The following CSMD3 variants were observed in gnomAD, a reference collection of about 807,000 sequenced individuals.
The protein encoded by CSMD3 is CUB and sushi domain-containing protein 3.
In CSMD3, 177 loss-of-function variants were observed where a neutral mutation model predicts 435.2. The observed-to-expected ratio is 0.41, with a 90% CI of 0.36 to 0.46. The LOEUF is 0.46. Among genes scored for constraint, CSMD3 ranks in the 20% least tolerant of loss-of-function variants. CSMD3 has a pLI of 0.34. For missense variants in CSMD3, 4,265 were observed against 4,504.6 expected, an observed-to-expected ratio of 0.95 and a Z score of 1.52; for synonymous variants, 1,656 against 1,520.5, an observed-to-expected ratio of 1.09 and a Z score of -2.07.
chr8:113,371,413 T>C (rs1453559586), intron 1 of CSMD3, among the ~76,000 whole-genome samples: 1 of 152,142 alleles, frequency 6.6e-6, no homozygotes, highest in East Asian at 1.9e-4. Flanking sequence ...GCAGTACCTG[T>C]ACATATGGCA....
intron 32 of CSMD3, among the ~76,000 whole-genome samples, chr8:112,420,554 A>C (rs916248520): frequency 6.6e-6 from 1 of 152,140 alleles, no homozygotes; most frequent in African/African-American, 2.4e-5. Flanking sequence ...TGTGTTGCTA[A>C]TGTTACTTTT....
chr8:113,361,340 T>C (rs779134661), intron 1 of CSMD3, among the ~76,000 whole-genome samples: 26 of 152,190 alleles, frequency 1.7e-4, no homozygotes, highest in South Asian at 6.2e-4. Context: ...TTTGAACCAG[T>C]TGCACTCTTG....
intron 32 of CSMD3, among the ~76,000 whole-genome samples, chr8:112,441,226 T>C (rs1348351158): frequency 6.6e-6 from 1 of 152,120 alleles, no homozygotes; most frequent in Non-Finnish European, 1.5e-5. Flanking sequence ...TGATAAAGCA[T>C]AGCAAGAGTC....
chr8:113,388,839 G>A (rs2094449951), intron 1 of CSMD3, among the ~76,000 whole-genome samples: 1 of 151,432 alleles, frequency 6.6e-6, no homozygotes, highest in Non-Finnish European at 1.5e-5. Context: ...ACAGATATTA[G>A]CTACTGAGTC....
At chr8:112,278,567 G>A (rs1818312774) in intron 59 of CSMD3, among the ~76,000 whole-genome samples, 1 of 152,156 alleles carries the variant, frequency 6.6e-6, no homozygotes, top group Non-Finnish European at 1.5e-5. Context: ...TATTGGTTAT[G>A]TGTCTCAAGC....
intron 26 of CSMD3, among the ~76,000 whole-genome samples, chr8:112,551,824 A>G (rs909864050): frequency 9.2e-5 from 14 of 152,056 alleles, no homozygotes; most frequent in East Asian, 7.7e-4. Flanking sequence ...TTATATTACT[A>G]CTTTATATAA....
intron 1 of CSMD3, among the ~76,000 whole-genome samples, chr8:113,430,320 T>G (rs1347000554): frequency 6.6e-6 from 1 of 152,186 alleles, no homozygotes. Flanking sequence ...AGCACTGGGC[T>G]AGGTACGTAA....
chr8:112,838,251 A>T lies in CSMD3; in HGVS notation c.1756-8462T>A, dbSNP rs191934759. 7.2e-5 allele frequency among the ~76,000 whole-genome samples: 11 copies of T among 151,930 alleles called. No homozygotes were observed. The Admixed American group carries it at 7.2e-4, about 10-fold the overall frequency. ...GAAAAAAATATTATTTTTGTTTCTG[A>T]AACATAAACTGTGAGGCAAAAAGTG... On this transcript the variant is annotated intron_variant, in intron 11 of 70. Coordinates refer to ENST00000297405, the MANE Select transcript of CSMD3 (RefSeq NM_198123.2).
intron 13 of CSMD3, among the ~76,000 whole-genome samples, chr8:112,735,988 T>C (rs913030253): frequency 6.6e-6 from 1 of 151,960 alleles, no homozygotes. Flanking sequence ...GAAATCATAT[T>C]TCAATTTTCA....
At chr8:112,473,676 A>G (rs1047748029) in intron 31 of CSMD3, among the ~76,000 whole-genome samples, 4 of 150,996 alleles carry the variant, frequency 2.6e-5, no homozygotes, top group African/African-American at 9.8e-5. Flanking sequence ...CTGGAGTGTA[A>G]GAGTGGAGTT....
chr8:112,505,795 A>ATT (rs1166140634), intron 29 of CSMD3, among the ~76,000 whole-genome samples: 1 of 152,088 alleles, frequency 6.6e-6, no homozygotes, highest in Non-Finnish European at 1.5e-5. Flanking sequence ...TAAGGAAGAG[A>ATT]TTATGCTTTT....
intron 25 of CSMD3, 43 bp from the exon 26 acceptor site, chr8:112,552,763 A>G (rs750406611): frequency 6.3e-7 from 1 of 1,579,432 alleles, no homozygotes. Context: ...TTTAATGCCA[A>G]TCTTTTCAAA....
intron 4 of CSMD3, among the ~76,000 whole-genome samples, chr8:113,141,177 TA>T (rs550947380): frequency 9.9e-4 from 150 of 150,848 alleles, no homozygotes; most frequent in Middle Eastern, 3.4e-3. Context: ...AGTATAATTT[TA>T]AAAAAAGTCC....
chr8:112,277,111 C>T (rs1818133629), intron 59 of CSMD3, among the ~76,000 whole-genome samples: 1 of 152,158 alleles, frequency 6.6e-6, no homozygotes, highest in Non-Finnish European at 1.5e-5. Context: ...CTACAGCCAG[C>T]TTGTATTTCT....
chr8:113,157,590 C>T (rs1030019081), intron 4 of CSMD3, among the ~76,000 whole-genome samples: 4 of 152,008 alleles, frequency 2.6e-5, no homozygotes, highest in Non-Finnish European at 4.4e-5. Flanking sequence ...TTAGATTTTT[C>T]TTTCTTTAAA....
Position 112,337,688 on chromosome 8 carries a change from A to T in CSMD3, c.6696T>A (p.Asn2232Lys). 2 of 1,613,844 alleles carry T rather than the reference A, an allele frequency of 1.2e-6. No individual in the cohort carries two copies. Among genetic ancestry groups the T allele is most frequent in the Non-Finnish European group, 1.7e-6 (2 of 1,179,788 alleles). ...TAAAATCATTACCAATTACAAAACC[A>T]TTTCGAAACGGGCGTGGATCAGGAC... ...QSCPDPRPFR[N>K]GFVIGNDFTV... Residue 2232 changes from asparagine to lysine, a missense_variant, in exon 43 of 71, where the codon AAT becomes AAA. Asn to Lys is a moderately conservative substitution (Grantham distance 94). Around this residue, in one of 3 missense-constraint regions of CSMD3, gnomAD observed 3,255 missense variants for 3,380.2 expected, o/e 0.96. Coordinates refer to ENST00000297405, the MANE Select transcript of CSMD3 (RefSeq NM_198123.2).
At chr8:113,007,628 T>C (rs2086105068) in intron 6 of CSMD3, among the ~76,000 whole-genome samples, 1 of 151,946 alleles carries the variant, frequency 6.6e-6, no homozygotes, top group Non-Finnish European at 1.5e-5. Context: ...GGCACTTTAG[T>C]AATTTGCATT....
chr8:112,349,048 ATAAT>A (rs761048548), intron 40 of CSMD3, among the ~76,000 whole-genome samples: 1 of 152,052 alleles, frequency 6.6e-6, no homozygotes, highest in African/African-American at 2.4e-5. Flanking sequence ...ATTCAGTGAC[ATAAT>A]TAATCTATTT....
At chr8:112,590,251 A>G (rs16883855) in intron 22 of CSMD3, among the ~76,000 whole-genome samples, 1,822 of 152,214 alleles carry the variant, frequency 0.012, 42 homozygotes, top group African/African-American at 0.041. Context: ...CTATCATACA[A>G]TCACTCAAAT....
Sources: allele counts gnomAD v4.1 joint callset (sites outside exome capture counted in the v4.1 genomes callset), GRCh38; gene constraint gnomAD v4.1.1; regional missense constraint gnomAD v4.1.1; transcripts MANE v1.5; gene names NCBI Gene and HGNC (gene_info 2026-07-23, HGNC 2026-07-21).